Variants in NOB1 observed in about 807,000 individuals in gnomAD.
NOB1 encodes the protein NIN1 (RPN12) binding protein 1 homolog.
NOB1 carries 44 observed loss-of-function variants against 44.8 expected under a neutral mutation model. The ratio of observed to expected loss-of-function variants is 0.98; its 90% CI spans 0.77 to 1.26. NOB1 has a LOEUF of 1.26. NOB1 is among the 50% of genes most tolerant of loss of function. The probability of loss-of-function intolerance (pLI) is 0.00; values close to 1 mark genes in which losing one functional copy is unlikely to be tolerated. For synonymous variants in NOB1, 238 were observed against 218.7 expected, an observed-to-expected ratio of 1.09 and a Z score of -0.78; for missense variants, 560 against 544.8, an observed-to-expected ratio of 1.03 and a Z score of -0.28.
chr16:69,749,886 G>A (rs1257285617), intron 3 of NOB1, among the ~76,000 whole-genome samples: 1 of 151,394 alleles, frequency 6.6e-6, no homozygotes, highest in Non-Finnish European at 1.5e-5. Context: ...GCTGAAGCAG[G>A]AGAATTCCTT....
chr16:69,749,715 T>C (rs909368747), intron 3 of NOB1, 85 bp from the exon 4 acceptor site: 2 of 1,007,270 alleles, frequency 2.0e-6, no homozygotes, highest in Admixed American at 2.5e-5. Flanking sequence ...CGATGGCTCA[T>C]GCCTGTAATC....
At position 69,749,572 on chromosome 16, in the gene NOB1, T is replaced by C. The variant is rs1241915005; in HGVS notation, c.386A>G (p.His129Arg). The change falls in exon 4 of 9, where the codon CAT becomes CGT. Residue 129 changes from histidine to arginine, a missense_variant. Transcript: ENST00000268802. ...CTAAGAAATTACCTTGTAGGGCAGA[T>C]GGAAACCAGAAATGTGCAGAGGTGT... ...PETPLHISGF[H>R]LPYKPKPPQE... 4 of 1,613,396 alleles carry C rather than the reference T, an allele frequency of 2.5e-6. No individual in the cohort carries two copies. The South Asian group carries it at 4.4e-5, about 18-fold the overall frequency.
At chr16:69,747,198 G>A (rs2038439503) in intron 7 of NOB1, among the ~76,000 whole-genome samples, 2 of 110,520 alleles carry the variant, frequency 1.8e-5, no homozygotes, top group Non-Finnish European at 3.6e-5. Context: ...TCCAGCCTGG[G>A]CAACAAGAGA....
At chr16:69,751,022 G>C (rs564391247) in intron 3 of NOB1, among the ~76,000 whole-genome samples, 1 of 152,340 alleles carries the variant, frequency 6.6e-6, no homozygotes, top group East Asian at 1.9e-4. Context: ...GGAAGTCAAA[G>C]TTTTGAAGGA....
chr16:69,744,992 A>G lies in NOB1; in HGVS notation c.850T>C (p.Phe284Leu). The change falls in exon 8 of 9, where the codon TTC (phenylalanine) becomes CTC (leucine). Residue 284 changes from phenylalanine (F) to leucine (L), a missense_variant. By Grantham distance (22) the Phe-to-Leu change is conservative. Coordinates refer to ENST00000268802, the MANE Select transcript of NOB1 (RefSeq NM_014062.3). ...GTCTTGTTCCCACAGTGTGAGCAGA[A>G]CACTCGGCTCATGTCAGACGTTGTC... ...FKTTSDMSRV[F>L]CSHCGNKTLK... 6.2e-7 allele frequency: 1 copy of G among 1,614,130 alleles called. No homozygotes were observed. The highest frequency in any genetic ancestry group is 8.5e-7 in the Non-Finnish European group (1 of 1,180,016).
intron 7 of NOB1, among the ~76,000 whole-genome samples, chr16:69,747,022 A>G (rs1368989755): frequency 6.6e-6 from 1 of 151,484 alleles, no homozygotes; most frequent in African/African-American, 2.4e-5. Context: ...GGAGATCAAC[A>G]CTATCCTGGC....
intron 1 of NOB1, 46 bp from the exon 2 acceptor site, chr16:69,754,772 G>C (rs766698535): frequency 6.2e-6 from 10 of 1,612,810 alleles, no homozygotes; most frequent in African/African-American, 4.0e-5. Context: ...ACCAAGCAAC[G>C]CTCCGCGCGA....
Position 69,749,009 on chromosome 16 carries a change from C to T in NOB1, c.635G>A (p.Ser212Asn). The stretch of plus-strand genomic sequence containing the variant: ...CTCCTGCTGGATCTGCTTGATGTTA[C>T]TGGGGGTTATCCAGCCACCCCCGTC... Reference protein sequence around the residue: ...DDDGGGWITPSNIKQIQQELE... With the variant: ...DDDGGGWITPNNIKQIQQELE... The change falls in exon 6 of 9, where the codon AGT becomes AAT. Residue 212 changes from serine (S) to asparagine (N), a missense_variant. Transcript: ENST00000268802. 2 of 1,614,226 alleles carry T rather than the reference C, an allele frequency of 1.2e-6. No homozygotes were observed. Among genetic ancestry groups the T allele is most frequent in the Non-Finnish European group, 1.7e-6 (2 of 1,180,032 alleles).
chr16:69,746,829 C>T (rs1440252253), intron 7 of NOB1, among the ~76,000 whole-genome samples: 1 of 151,378 alleles, frequency 6.6e-6, no homozygotes, highest in African/African-American at 2.4e-5. Context: ...ATTGCTTGAA[C>T]CCGGGAGGCA....
intron 8 of NOB1, 146 bp from the exon 9 acceptor site, chr16:69,742,747 G>A (rs2038395681): frequency 2.6e-6 from 2 of 768,650 alleles, no homozygotes; most frequent in Admixed American, 2.7e-5. Flanking sequence ...TGTGCTACGT[G>A]TGACATGCCG....
chr16:69,748,098 G>A (rs2038448431), intron 7 of NOB1, 134 bp downstream of exon 7: 1 of 597,014 alleles, frequency 1.7e-6, no homozygotes, highest in South Asian at 2.1e-5. Flanking sequence ...CCAGGAGGCA[G>A]AGGTTGCAGT....
At chr16:69,749,927 G>A (rs1171577748) in intron 3 of NOB1, among the ~76,000 whole-genome samples, 2 of 149,972 alleles carry the variant, frequency 1.3e-5, no homozygotes, top group Non-Finnish European at 3.0e-5. Flanking sequence ...GCAGTGGGCT[G>A]AGATCACGCC....
rs1183861633 is a variant in NOB1, at chr16:69,744,893, G to A, written c.949C>T (p.Leu317=). The part of the protein sequence containing the change: ...HMHFSRNPKV[L]NPRGLRYSLP... ...CTCACCCGGAGGCCGCGGGGGTTCA[G>A]CACCTTGGGGTTGCGGGAGAAGTGC... The change falls in exon 8 of 9, where the codon CTG becomes TTG. Residue 317 remains leucine, a synonymous_variant. Transcript: ENST00000268802. 6 of 1,613,734 alleles carry A rather than the reference G, an allele frequency of 3.7e-6. No homozygotes were observed. The Admixed American group carries it at 1.0e-4, about 27-fold the overall frequency.
At chr16:69,754,486 T>G in intron 2 of NOB1, 108 bp downstream of exon 2, 1 of 1,455,884 alleles carries the variant, frequency 6.9e-7, no homozygotes, top group Non-Finnish European at 9.3e-7. Context: ...GTGCTGGCTC[T>G]AAATCTACTG....
chr16:69,747,356 C>T (rs1020772258), intron 7 of NOB1, among the ~76,000 whole-genome samples: 1 of 151,734 alleles, frequency 6.6e-6, no homozygotes, highest in Non-Finnish European at 1.5e-5. Context: ...TGGGCAACAT[C>T]GTGAGACCTC....
In NOB1 at chr16:69,742,153, GCCATGGGACAGT is replaced by G; in HGVS notation, c.*167_*178del. On this transcript the variant is annotated 3_prime_UTR_variant, in exon 9 of 9. Transcript: ENST00000268802. ...CAGCCAGGCGCTCCGGTGCTCACAG[GCCATGGGACAGT>G]CCAGTTCCCTGCAGACCCAGCGGGG... 1 of 725,500 alleles carries G rather than the reference GCCATGGGACAGT, an allele frequency of 1.4e-6. No homozygotes were observed. Among genetic ancestry groups the G allele is most frequent in the South Asian group, 2.1e-5 (1 of 48,650 alleles). 44.9% of individuals were successfully genotyped at this position (725,500 alleles called of 1,614,324 possible). A position where few individuals can be genotyped will look rare whatever the true frequency, so the allele number is the denominator to read the frequency against.
At chr16:69,744,816 C>A in intron 8 of NOB1, 57 bp downstream of exon 8, 2 of 1,577,848 alleles carry the variant, frequency 1.3e-6, no homozygotes, top group Non-Finnish European at 1.7e-6. Context: ...TTTCTTTTGT[C>A]CTTTCTGTTC....
intron 7 of NOB1, among the ~76,000 whole-genome samples, chr16:69,746,951 CGGTGGCTCATGCCTGTAATCTCAGCACTT>C (rs1210014621): frequency 6.7e-6 from 1 of 150,010 alleles, no homozygotes; most frequent in Non-Finnish European, 1.5e-5. Flanking sequence ...GGGCCAGGCG[CGGTGGCTCATGCCTGTAATCTCAGCACTT>C]TGGGAGGCTG....
intron 7 of NOB1, among the ~76,000 whole-genome samples, chr16:69,745,550 C>T (rs1261859894): frequency 4.6e-5 from 7 of 152,194 alleles, no homozygotes; most frequent in Admixed American, 3.3e-4. Context: ...GCTCTGGAGG[C>T]GGCAGAGCAT....
Sources: allele counts gnomAD v4.1 joint callset (sites outside exome capture counted in the v4.1 genomes callset), GRCh38; gene constraint gnomAD v4.1.1; transcripts MANE v1.5; gene names NCBI Gene and HGNC (gene_info 2026-07-23, HGNC 2026-07-21).